ROBO1: variants seen among roughly 807,000 people sequenced by gnomAD.
ROBO1 encodes roundabout guidance receptor 1.
ROBO1 carries 149 observed loss-of-function variants against 195.9 expected under a neutral mutation model. The ratio of observed to expected loss-of-function variants is 0.76; its 90% CI spans 0.67 to 0.87. ROBO1 has a LOEUF of 0.87. Ranked by LOEUF, ROBO1 falls within the 40% of genes least tolerant of loss-of-function variation. The probability of loss-of-function intolerance (pLI) is 0.00; values close to 1 mark genes in which losing one functional copy is unlikely to be tolerated. For synonymous variants in ROBO1, 816 were observed against 733.2 expected, an observed-to-expected ratio of 1.11 and a Z score of -1.82; for missense variants, 1,933 against 2,068.3, an observed-to-expected ratio of 0.93 and a Z score of 1.27.
At chr3:79,625,851 A>G (rs1249582824) in intron 1 of ROBO1, among the ~76,000 whole-genome samples, 1 of 152,160 alleles carries the variant, frequency 6.6e-6, no homozygotes, top group East Asian at 1.9e-4. Flanking sequence ...CTCTCTAACT[A>G]GTTTTATGAA....
intron 4 of ROBO1, among the ~76,000 whole-genome samples, chr3:78,893,511 T>G (rs2037032545): frequency 6.6e-6 from 1 of 152,184 alleles, no homozygotes; most frequent in Non-Finnish European, 1.5e-5. Context: ...AATTACTCAG[T>G]CTTAGATATT....
chr3:79,309,756 G>C (rs1476026361), intron 2 of ROBO1, among the ~76,000 whole-genome samples: 1 of 152,128 alleles, frequency 6.6e-6, no homozygotes, highest in Admixed American at 6.6e-5. Context: ...AAGTGTATTA[G>C]ACAGCAATTT....
intron 2 of ROBO1, among the ~76,000 whole-genome samples, chr3:79,189,478 G>T (rs1397702588): frequency 6.6e-6 from 1 of 151,680 alleles, no homozygotes; most frequent in Non-Finnish European, 1.5e-5. Context: ...GAAAAGGTGA[G>T]GGGGATGTGT....
chr3:79,438,001 C>T (rs2038940603), intron 2 of ROBO1, among the ~76,000 whole-genome samples: 1 of 151,654 alleles, frequency 6.6e-6, no homozygotes, highest in Non-Finnish European at 1.5e-5. Context: ...TAATATTAAT[C>T]TTCTTGGTTT....
At chr3:79,763,839 A>G (rs764268728) in intron 1 of ROBO1, among the ~76,000 whole-genome samples, 101 of 152,356 alleles carry the variant, frequency 6.6e-4, no homozygotes, top group African/African-American at 2.4e-3. Context: ...CATGAAAAAG[A>G]TATCAAGGAG....
chr3:78,830,994 C>T (rs938706651), intron 4 of ROBO1, among the ~76,000 whole-genome samples: 1 of 152,028 alleles, frequency 6.6e-6, no homozygotes, highest in Admixed American at 6.6e-5. Context: ...CTCACTGCAA[C>T]CTCTGCCTCC....
intron 2 of ROBO1, among the ~76,000 whole-genome samples, chr3:79,425,956 T>C (rs2038429773): frequency 6.6e-6 from 1 of 152,212 alleles, no homozygotes; most frequent in Admixed American, 6.5e-5. Context: ...TCTCAAATAA[T>C]TTTTAAATTT....
intron 16 of ROBO1, chr3:78,660,453 A>C (rs986981757): frequency 6.5e-6 from 1 of 152,728 alleles, no homozygotes; most frequent in African/African-American, 2.4e-5. Flanking sequence ...ATCATTCATG[A>C]TAATTACTTA....
intron 2 of ROBO1, among the ~76,000 whole-genome samples, chr3:79,227,451 T>C (rs1359522509): frequency 6.6e-6 from 1 of 152,190 alleles, no homozygotes; most frequent in African/African-American, 2.4e-5. Flanking sequence ...TCTAATGCAG[T>C]ATTGTTATCC....
intron 8 of ROBO1, among the ~76,000 whole-genome samples, chr3:78,689,954 A>C (rs1383687080): frequency 6.7e-6 from 1 of 150,344 alleles, no homozygotes; most frequent in Non-Finnish European, 1.5e-5. Context: ...TTGACTTAAT[A>C]TTTCTTGGTC....
intron 3 of ROBO1, among the ~76,000 whole-genome samples, chr3:78,976,238 C>A (rs968576905): frequency 6.6e-6 from 1 of 152,122 alleles, no homozygotes; most frequent in Non-Finnish European, 1.5e-5. Flanking sequence ...GATCTTCATC[C>A]TATACTATGC....
chr3:79,248,394 A>AAT (rs2082663474), intron 2 of ROBO1, among the ~76,000 whole-genome samples: 1 of 150,514 alleles, frequency 6.6e-6, no homozygotes, highest in African/African-American at 2.4e-5. Flanking sequence ...AAAAAAAAAA[A>AAT]AAAGAGAGAG....
At chr3:79,664,205 A>G (rs921605433) in intron 1 of ROBO1, among the ~76,000 whole-genome samples, 5 of 152,042 alleles carry the variant, frequency 3.3e-5, no homozygotes, top group African/African-American at 9.7e-5. Context: ...GGGGTCAATG[A>G]TCACCTCTTA....
At chr3:79,706,942 TAAG>T (rs1947791140) in intron 1 of ROBO1, among the ~76,000 whole-genome samples, 1 of 152,110 alleles carries the variant, frequency 6.6e-6, no homozygotes, top group South Asian at 2.1e-4. Context: ...TTGATATTAA[TAAG>T]AAATAATTAT....
intron 1 of ROBO1, among the ~76,000 whole-genome samples, chr3:79,654,422 T>C (rs1480780136): frequency 6.6e-6 from 1 of 152,016 alleles, no homozygotes; most frequent in Non-Finnish European, 1.5e-5. Flanking sequence ...GCTGTCATTT[T>C]ACATAAGAGA....
intron 4 of ROBO1, among the ~76,000 whole-genome samples, chr3:78,809,243 G>C (rs1429431359): frequency 4.0e-5 from 6 of 151,890 alleles, no homozygotes; most frequent in Non-Finnish European, 7.4e-5. Flanking sequence ...ATGAAAAAAA[G>C]CTCATCATCA....
intron 2 of ROBO1, among the ~76,000 whole-genome samples, chr3:79,300,303 T>C (rs895477523): frequency 2.0e-5 from 3 of 152,202 alleles, no homozygotes; most frequent in African/African-American, 7.2e-5. Flanking sequence ...TGGCGGGTCC[T>C]GCACTTGGAG....
intron 4 of ROBO1, among the ~76,000 whole-genome samples, chr3:78,860,339 T>TA (rs2034755399): frequency 6.9e-6 from 1 of 145,402 alleles, no homozygotes; most frequent in Non-Finnish European, 1.5e-5. Flanking sequence ...TTTTTTTTTT[T>TA]ACTCATAAGG....
intron 2 of ROBO1, among the ~76,000 whole-genome samples, chr3:79,423,664 G>A (rs2038325568): frequency 1.3e-5 from 2 of 151,970 alleles, no homozygotes; most frequent in Non-Finnish European, 2.9e-5. Context: ...ATTTATAACT[G>A]TAAGTCAGCA....
Sources: allele counts gnomAD v4.1 joint callset (sites outside exome capture counted in the v4.1 genomes callset), GRCh38; gene constraint gnomAD v4.1.1; transcripts MANE v1.5; gene names NCBI Gene and HGNC (gene_info 2026-07-23, HGNC 2026-07-21).